SLC45A4: variants seen among roughly 807,000 people sequenced by gnomAD.
SLC45A4 encodes the protein polyamine-transporter SLC45A4.
A neutral mutation model predicts 63.7 loss-of-function variants in SLC45A4; 32 were observed. The observed-to-expected ratio is 0.50, with a 90% CI of 0.38 to 0.67. SLC45A4 has a LOEUF of 0.67. Among genes scored for constraint, SLC45A4 ranks in the 30% least tolerant of loss-of-function variants. The probability of loss-of-function intolerance (pLI) is 0.00; values close to 1 mark genes in which losing one functional copy is unlikely to be tolerated. For synonymous variants in SLC45A4, 535 were observed against 510.0 expected, an observed-to-expected ratio of 1.05 and a Z score of -0.66; for missense variants, 1,027 against 1,157.7, an observed-to-expected ratio of 0.89 and a Z score of 1.64.
intron 1 of SLC45A4, among the ~76,000 whole-genome samples, chr8:141,258,927 T>C (rs1828933026): frequency 6.7e-6 from 1 of 149,848 alleles, no homozygotes; most frequent in African/African-American, 2.4e-5. Flanking sequence ...AAACAAGATG[T>C]CTTTTTACCT....
chr8:141,262,860 C>T (rs1477434257), intron 1 of SLC45A4, among the ~76,000 whole-genome samples: 3 of 149,890 alleles, frequency 2.0e-5, no homozygotes, highest in Non-Finnish European at 4.5e-5. Context: ...CATCCCATTA[C>T]TGGGTATATA....
intron 1 of SLC45A4, among the ~76,000 whole-genome samples, chr8:141,279,342 C>T (rs1296216535): frequency 2.0e-5 from 3 of 152,230 alleles, no homozygotes; most frequent in African/African-American, 7.2e-5. Flanking sequence ...AAGTAACATC[C>T]GCAGGACAGA....
Position 141,217,251 on chromosome 8 carries a change from G to A in SLC45A4, c.1630-62C>T, listed in dbSNP as rs532590757. 1.4e-4 allele frequency: 215 copies of A among 1,541,936 alleles called. 3 individuals carry two copies. In the South Asian group the frequency reaches 2.2e-3, roughly 16 times the overall value. ...CTGCTGGGCCCTCCAGGCCAGGAGCGTATTTCCCATGGGAACTGCTGGCCG... is the reference window on the plus strand; with the variant it reads ...CTGCTGGGCCCTCCAGGCCAGGAGCATATTTCCCATGGGAACTGCTGGCCG... On this transcript the variant is annotated intron_variant, in intron 5 of 8. Transcript: ENST00000517878.
rs1370452209 is a variant in SLC45A4, at chr8:141,254,255, C to T, written c.-26G>A. The T allele has an allele frequency of 4.7e-6, 7 of 1,488,686 alleles. 1 individual carries two copies. The South Asian group carries it at 8.9e-5, about 19-fold the overall frequency. The allele number at this position is 1,488,686 out of a possible 1,614,324, so 92.2% of individuals were successfully genotyped here. On this transcript the variant is annotated 5_prime_UTR_variant, in exon 2 of 9. Transcript: ENST00000517878. The surrounding 1 kb of genome is among the most constrained non-coding windows in gnomAD (Gnocchi z 4.5). Reference sequence around the variant, plus strand: ...TACCACCAAAAATATATGTATTTATCTATATATTCTATCTATATAAATAAT... The same window carrying T: ...TACCACCAAAAATATATGTATTTATTTATATATTCTATCTATATAAATAAT...
chr8:141,269,455 C>T (rs1488512274), intron 1 of SLC45A4, among the ~76,000 whole-genome samples: 1 of 137,202 alleles, frequency 7.3e-6, no homozygotes, highest in Non-Finnish European at 1.5e-5. Context: ...TCGATGTCTG[C>T]CTATGTGTCT....
chr8:141,217,201 A>G lies in SLC45A4; in HGVS notation c.1630-12T>C. ...GAGTTCGAGGGGGCCTGTTCCGGAA[A>G]TGAGACGGGGGCTGACGAGGGCATC... On this transcript the variant is annotated splice_polypyrimidine_tract_variant and intron_variant, in intron 5 of 8. Transcript: ENST00000517878. The G allele has an allele frequency of 6.2e-7, 1 of 1,613,024 alleles. No homozygotes were observed. The highest frequency in any genetic ancestry group is 8.5e-7 in the Non-Finnish European group (1 of 1,179,744).
intron 2 of SLC45A4, chr8:141,228,225 C>T: frequency 6.2e-7 from 1 of 1,614,110 alleles, no homozygotes; most frequent in Non-Finnish European, 8.5e-7. Context: ...TCACAAGGGT[C>T]TTTGGACGGG....
chr8:141,218,535 C>T lies in SLC45A4; in HGVS notation c.1105G>A (p.Glu369Lys), dbSNP rs751098292. 4 of 1,613,506 alleles carry T rather than the reference C, an allele frequency of 2.5e-6. No individual in the cohort carries two copies. The highest frequency in any genetic ancestry group is 3.4e-6 in the Non-Finnish European group (4 of 1,179,978). Residue 369 changes from glutamate (E) to lysine (K), a missense_variant, in exon 5 of 9, where the codon GAG (glutamate) becomes AAG (lysine). Coordinates refer to ENST00000517878, the MANE Select transcript of SLC45A4 (RefSeq NM_001286646.2). ...LATFLKEAAK[E>K]DETLLDNHLN... ...TGATTATCCAGCAAGGTCTCGTCCT[C>T]CTTGGCGGCTTCCTTGAGGAAGGTG...
rs1589862801 is a variant in SLC45A4 at position 141,295,675 on chromosome 8, C to G, written c.-401+12421G>C. Among the ~76,000 whole-genome samples the G allele has an allele frequency of 2.0e-5, 3 of 152,230 alleles. No individual in the cohort carries two copies. In the South Asian group the frequency reaches 6.2e-4, roughly 31 times the overall value. Reference sequence around the variant, plus strand: ...CTCCCTGAACTGCCCCACGGCAGCACTGACTGAGGCCCCTCGATTGACCAC... The same window carrying G: ...CTCCCTGAACTGCCCCACGGCAGCAGTGACTGAGGCCCCTCGATTGACCAC... On this transcript the variant is annotated intron_variant, in intron 1 of 8. Transcript: ENST00000517878.
At chr8:141,222,241 G>A (rs888246154) in intron 2 of SLC45A4, among the ~76,000 whole-genome samples, 2 of 152,250 alleles carry the variant, frequency 1.3e-5, no homozygotes, top group Non-Finnish European at 2.9e-5. Context: ...GCTTCACAGA[G>A]GCAGGAAGGG....
At chr8:141,272,118 T>C (rs1381542722) in intron 1 of SLC45A4, among the ~76,000 whole-genome samples, 1 of 152,254 alleles carries the variant, frequency 6.6e-6, no homozygotes, top group Non-Finnish European at 1.5e-5. Context: ...GAGCTGAAAG[T>C]GTCTCTTTCA....
At chr8:141,268,034 G>A (rs1006545657) in intron 1 of SLC45A4, among the ~76,000 whole-genome samples, 8 of 152,134 alleles carry the variant, frequency 5.3e-5, no homozygotes, top group East Asian at 1.9e-4. Flanking sequence ...CGCTTTATTC[G>A]TCATTGCCAA....
Position 141,254,267 on chromosome 8 carries a change from T to C in SLC45A4, c.-38A>G, listed in dbSNP as rs1305626764. 2.1e-6 allele frequency: 3 copies of C among 1,455,088 alleles called. No homozygotes were observed. The highest frequency in any genetic ancestry group is 5.0e-5 in the East Asian group (2 of 40,124). The allele number at this position is 1,455,088 out of a possible 1,614,324, so 90.1% of individuals were successfully genotyped here. On this transcript the variant is annotated 5_prime_UTR_variant, in exon 2 of 9. Coordinates refer to ENST00000517878, the MANE Select transcript of SLC45A4 (RefSeq NM_001286646.2). This position sits in a 1 kb window ranked among gnomAD's most constrained non-coding sequence, Gnocchi z 4.5. ...TATATGTATTTATCTATATATTCTATCTATATAAATAATGCTTTCATATAT... is the reference window on the plus strand; with the variant it reads ...TATATGTATTTATCTATATATTCTACCTATATAAATAATGCTTTCATATAT...
chr8:141,274,395 G>A (rs987402325), intron 1 of SLC45A4, among the ~76,000 whole-genome samples: 6 of 152,062 alleles, frequency 3.9e-5, no homozygotes, highest in African/African-American at 9.7e-5. Flanking sequence ...TAAGCTGGGC[G>A]TGGTGACAGA....
rs373630843 is a variant in SLC45A4, at chr8:141,229,032, C to T, written c.242-7267G>A. The stretch of plus-strand genomic sequence containing the variant: ...CCCCGCCGTACACTTGTCTCCCCAT[C>T]GGCTCCTCCCGCCCATGGGACCTTC... On this transcript the variant is annotated intron_variant, in intron 2 of 8. Transcript: ENST00000517878. This position sits in a 1 kb window ranked among gnomAD's most constrained non-coding sequence, Gnocchi z 5.0. Among the ~76,000 whole-genome samples, 8 of 152,258 alleles carry T rather than the reference C, an allele frequency of 5.3e-5. No individual in the cohort carries two copies. In the East Asian group the frequency reaches 5.8e-4, roughly 11 times the overall value.
chr8:141,223,597 A>G (rs571011375), intron 2 of SLC45A4, among the ~76,000 whole-genome samples: 8 of 152,266 alleles, frequency 5.3e-5, no homozygotes, highest in African/African-American at 1.9e-4. Context: ...GGGCACCCAG[A>G]AGGGCTCTCG....
At chr8:141,261,752 T>C (rs1829045061) in intron 1 of SLC45A4, among the ~76,000 whole-genome samples, 1 of 152,218 alleles carries the variant, frequency 6.6e-6, no homozygotes, top group Non-Finnish European at 1.5e-5. Flanking sequence ...GAACATTCCA[T>C]GCTCATGGGT....
chr8:141,228,683 G>C (rs754645469), intron 2 of SLC45A4: 159 of 959,720 alleles, frequency 1.7e-4, no homozygotes, highest in Non-Finnish European at 2.0e-4. Context: ...TATGGCCTTT[G>C]GCCTGAGATT....
chr8:141,259,681 T>C (rs1399497988), intron 1 of SLC45A4, among the ~76,000 whole-genome samples: 4 of 152,186 alleles, frequency 2.6e-5, no homozygotes, highest in Non-Finnish European at 5.9e-5. Flanking sequence ...TACTGGTAGG[T>C]GGCAAAACCC....
Sources: gnomAD v4.1 joint callset for allele counts (sites outside exome capture counted in the v4.1 genomes callset) on GRCh38, gnomAD v4.1.1 for gene constraint, Gnocchi (gnomAD v3.1) non-coding constraint, MANE v1.5 for transcripts, NCBI Gene and HGNC (gene_info 2026-07-23, HGNC 2026-07-21) for gene names.